NSMCE2: variants seen among roughly 807,000 people sequenced by gnomAD.
NSMCE2 encodes NSE2 SUMO ligase component of SMC5/6 complex.
NSMCE2 carries 24 observed loss-of-function variants against 23.8 expected under a neutral mutation model. The ratio of observed to expected loss-of-function variants is 1.01; its 90% CI spans 0.73 to 1.42. NSMCE2 has a LOEUF of 1.42. NSMCE2 is among the 40% of genes most tolerant of loss of function. The pLI is 0.00. For missense variants in NSMCE2, 284 were observed against 296.5 expected (o/e 0.96, Z 0.31); for synonymous variants, 92 against 94.1 (o/e 0.98, Z 0.13).
At chr8:125,238,422 A>G (rs1031983629) in intron 5 of NSMCE2, among the ~76,000 whole-genome samples, 7 of 152,214 alleles carry the variant, frequency 4.6e-5, no homozygotes, top group African/African-American at 1.7e-4. Flanking sequence ...ATTTCAATAA[A>G]TTATTAACAG....
At chr8:125,107,428 G>T (rs937024948) in intron 3 of NSMCE2, among the ~76,000 whole-genome samples, 2 of 151,894 alleles carry the variant, frequency 1.3e-5, no homozygotes. Flanking sequence ...TCCTGACCTC[G>T]TGATCCACCC....
At chr8:125,266,581 C>G (rs967689379) in intron 5 of NSMCE2, among the ~76,000 whole-genome samples, 5 of 152,112 alleles carry the variant, frequency 3.3e-5, no homozygotes, top group Admixed American at 6.5e-5. Flanking sequence ...ATCAATTTGT[C>G]CTGCTATATA....
chr8:125,177,452 A>G (rs1171677153), intron 4 of NSMCE2, among the ~76,000 whole-genome samples: 11 of 152,164 alleles, frequency 7.2e-5, no homozygotes, highest in South Asian at 4.1e-4. Flanking sequence ...TTGCCATCAA[A>G]CTATATTCAT....
intron 5 of NSMCE2, among the ~76,000 whole-genome samples, chr8:125,234,153 A>T (rs1366983623): frequency 6.6e-6 from 1 of 152,108 alleles, no homozygotes; most frequent in Non-Finnish European, 1.5e-5. Context: ...AGATCCTGCC[A>T]CTGCTCTCCA....
rs185979921 is a variant in NSMCE2, at chr8:125,138,661, A to C, written c.158-12510A>C. 1.6e-4 allele frequency among the ~76,000 whole-genome samples: 24 copies of C among 152,290 alleles called. No homozygotes were observed. The South Asian group carries it at 2.5e-3, about 16-fold the overall frequency. ...GCTTTTTATTCTGAAGTTCATCTTT[A>C]AAGTGACAAATGAAGCATGTTTAAG... On this transcript the variant is annotated intron_variant, in intron 3 of 7. Coordinates refer to ENST00000287437, the MANE Select transcript of NSMCE2 (RefSeq NM_173685.4).
chr8:125,183,829 T>G (rs1822948907), intron 5 of NSMCE2, among the ~76,000 whole-genome samples: 1 of 152,154 alleles, frequency 6.6e-6, no homozygotes, highest in Admixed American at 6.5e-5. Context: ...AGCTTTCGAT[T>G]TCTTGATTAA....
chr8:125,135,372 C>A (rs1247840252), intron 3 of NSMCE2, among the ~76,000 whole-genome samples: 1 of 152,114 alleles, frequency 6.6e-6, no homozygotes, highest in Non-Finnish European at 1.5e-5. Context: ...TTTTGAAGAA[C>A]AGAAGTTTTT....
intron 5 of NSMCE2, among the ~76,000 whole-genome samples, chr8:125,232,013 T>C (rs1825343750): frequency 6.6e-6 from 1 of 152,234 alleles, no homozygotes; most frequent in African/African-American, 2.4e-5. Context: ...TAAATTAGAA[T>C]ATCACCCACT....
At position 125,291,474 on chromosome 8, in the gene NSMCE2, G is replaced by A. The variant is rs964195988; in HGVS notation, c.419-65745G>A. 3.0e-4 allele frequency among the ~76,000 whole-genome samples: 46 copies of A among 152,148 alleles called. 1 individual carries two copies. Among genetic ancestry groups the A allele is most frequent in the Admixed American group, 2.9e-3 (45 of 15,274 alleles). ...ATAACAGTTCTATGAGCTGGTCAAT[G>A]ATTAATCAAGTGCACAATAGGAGAT... On this transcript the variant is annotated intron_variant, in intron 5 of 7. Coordinates refer to ENST00000287437, the MANE Select transcript of NSMCE2 (RefSeq NM_173685.4).
At position 125,228,631 on chromosome 8, in the gene NSMCE2, G is replaced by C. The variant is rs570430979; in HGVS notation, c.418+46375G>C. ...AGTATAGTACATTCAGAGCCAAAGA[G>C]GGCTGAGAGCATATGTCATATTTGA... On this transcript the variant is annotated intron_variant, in intron 5 of 7. Coordinates refer to ENST00000287437, the MANE Select transcript of NSMCE2 (RefSeq NM_173685.4). Among the ~76,000 whole-genome samples, 5 of 152,298 alleles carry C rather than the reference G, an allele frequency of 3.3e-5. No individual in the cohort carries two copies. In the East Asian group the frequency reaches 9.6e-4, roughly 29 times the overall value.
chr8:125,223,590 C>T (rs946572564), intron 5 of NSMCE2, among the ~76,000 whole-genome samples: 1 of 152,128 alleles, frequency 6.6e-6, no homozygotes, highest in Non-Finnish European at 1.5e-5. Flanking sequence ...TACATTCCCA[C>T]GAACAATGTA....
chr8:125,345,162 A>G (rs1165285384), intron 5 of NSMCE2, among the ~76,000 whole-genome samples: 1 of 152,208 alleles, frequency 6.6e-6, no homozygotes, highest in Non-Finnish European at 1.5e-5. Context: ...GTTTCTGGCC[A>G]GGGAACAGAA....
intron 3 of NSMCE2, among the ~76,000 whole-genome samples, chr8:125,113,070 G>C (rs1218524596): frequency 2.9e-5 from 4 of 139,642 alleles, no homozygotes; most frequent in Non-Finnish European, 6.1e-5. Flanking sequence ...GGGGGGGGGT[G>C]AGTCAATACC....
intron 5 of NSMCE2, among the ~76,000 whole-genome samples, chr8:125,347,818 A>G (rs1038028296): frequency 6.6e-6 from 1 of 152,232 alleles, no homozygotes; most frequent in Non-Finnish European, 1.5e-5. Context: ...CACCACGTAC[A>G]TAGAATCTGA....
intron 5 of NSMCE2, among the ~76,000 whole-genome samples, chr8:125,188,704 G>C (rs1288673552): frequency 6.6e-6 from 1 of 152,164 alleles, no homozygotes; most frequent in African/African-American, 2.4e-5. Flanking sequence ...GTTAATTTGT[G>C]ATGTCTTCAG....
At chr8:125,271,327 T>C (rs1827182004) in intron 5 of NSMCE2, among the ~76,000 whole-genome samples, 1 of 151,736 alleles carries the variant, frequency 6.6e-6, no homozygotes, top group Admixed American at 6.6e-5. Context: ...GTTAAGATAC[T>C]ATCAAAGTGG....
intron 5 of NSMCE2, among the ~76,000 whole-genome samples, chr8:125,205,649 G>C (rs993456452): frequency 6.6e-6 from 1 of 152,152 alleles, no homozygotes; most frequent in Non-Finnish European, 1.5e-5. Flanking sequence ...GAAGCAGCGA[G>C]CTATTCTTTG....
intron 3 of NSMCE2, among the ~76,000 whole-genome samples, chr8:125,125,632 G>C (rs1221020892): frequency 1.3e-5 from 2 of 152,200 alleles, no homozygotes; most frequent in Non-Finnish European, 2.9e-5. Flanking sequence ...GCATTCCCTA[G>C]AGAGTGGGAG....
At chr8:125,323,870 A>G (rs1426923310) in intron 5 of NSMCE2, among the ~76,000 whole-genome samples, 1 of 152,226 alleles carries the variant, frequency 6.6e-6, no homozygotes, top group Non-Finnish European at 1.5e-5. Context: ...AGGCCAAGTG[A>G]CAGTCTGGGA....
Sources: allele counts gnomAD v4.1 joint callset (sites outside exome capture counted in the v4.1 genomes callset), GRCh38; gene constraint gnomAD v4.1.1; transcripts MANE v1.5; gene names NCBI Gene and HGNC (gene_info 2026-07-23, HGNC 2026-07-21).